UGT1A6: variants seen among roughly 807,000 people sequenced by gnomAD.
UGT1A6 encodes the protein UDP glucuronosyltransferase family 1 member A6.
In UGT1A6, 32 loss-of-function variants were observed where a neutral mutation model predicts 44.4. The observed-to-expected ratio is 0.72, with a 90% CI of 0.54 to 0.97. UGT1A6 has a LOEUF of 0.97. UGT1A6 is among the 50% of genes least tolerant of loss of function. The probability of loss-of-function intolerance (pLI) is 0.00; values close to 1 mark genes in which losing one functional copy is unlikely to be tolerated. For missense variants in UGT1A6, 685 were observed against 661.9 expected (o/e 1.03, Z -0.38); for synonymous variants, 238 against 248.5 (o/e 0.96, Z 0.40).
At chr2:233,721,999 A>G (rs1463858336) in intron 1 of UGT1A6, 3 of 263,690 alleles carry the variant, frequency 1.1e-5, no homozygotes, top group African/African-American at 6.7e-5. Flanking sequence ...AATGTCCTTT[A>G]AGTGAACAGG....
intron 1 of UGT1A6, among the ~76,000 whole-genome samples, chr2:233,716,738 T>C (rs764631282): frequency 1.3e-5 from 2 of 152,172 alleles, no homozygotes; most frequent in Non-Finnish European, 2.9e-5. Context: ...TTTAGCTCTG[T>C]GAGATTGGGA....
intron 1 of UGT1A6, among the ~76,000 whole-genome samples, chr2:233,700,098 G>A (rs1027814620): frequency 1.3e-5 from 2 of 152,182 alleles, no homozygotes; most frequent in African/African-American, 4.8e-5. Context: ...TGGAGGTGTG[G>A]AGGGCAGCAA....
intron 1 of UGT1A6, among the ~76,000 whole-genome samples, chr2:233,712,048 G>T (rs1193120711): frequency 6.6e-6 from 1 of 152,226 alleles, no homozygotes; most frequent in Non-Finnish European, 1.5e-5. Flanking sequence ...TTGGAAAAAA[G>T]CCTGACCATA....
chr2:233,716,707 T>G (rs2076520900), intron 1 of UGT1A6, among the ~76,000 whole-genome samples: 1 of 152,188 alleles, frequency 6.6e-6, no homozygotes, highest in Non-Finnish European at 1.5e-5. Flanking sequence ...TTAAAAACAC[T>G]AAAGAGTTCC....
At chr2:233,697,735 G>A (rs1186462702) in intron 1 of UGT1A6, among the ~76,000 whole-genome samples, 1 of 151,658 alleles carries the variant, frequency 6.6e-6, no homozygotes, top group East Asian at 1.9e-4. Flanking sequence ...CTTAGTTCTG[G>A]TTTTGCTATA....
At chr2:233,694,253 G>A (rs910405791) in intron 1 of UGT1A6, among the ~76,000 whole-genome samples, 1 of 151,712 alleles carries the variant, frequency 6.6e-6, no homozygotes, top group African/African-American at 2.4e-5. Context: ...TTGAGCCAGG[G>A]ACCAGCGAAC....
At chr2:233,713,969 C>G (rs2076358938) in intron 1 of UGT1A6, 1 of 1,602,230 alleles carries the variant, frequency 6.2e-7, no homozygotes. Flanking sequence ...GATTTCATTT[C>G]TGCTTCTCAT....
Position 233,769,582 on chromosome 2 carries a change from T to G in UGT1A6, c.1301+1143T>G. The G allele has an allele frequency of 6.2e-7, 1 of 1,612,842 alleles. No homozygotes were observed. Among genetic ancestry groups the G allele is most frequent in the Admixed American group, 1.7e-5 (1 of 60,012 alleles). ...TGTGAAGAGCTGGAGCATGTTCAGA[T>G]GAGAGGAGACGGAACACGGGGACAC... On this transcript the variant is annotated intron_variant, in intron 4 of 4. Coordinates refer to ENST00000305139, the MANE Select transcript of UGT1A6 (RefSeq NM_001072.4). This position sits in a 1 kb window ranked among gnomAD's most constrained non-coding sequence, Gnocchi z 4.4.
rs138183896 is a variant in UGT1A6 at position 233,760,581 on chromosome 2, T to C, written c.862-6453T>C. The C allele has an allele frequency of 2.4e-4, 385 of 1,614,108 alleles. No individual in the cohort carries two copies. Among genetic ancestry groups the C allele is most frequent in the Non-Finnish European group, 3.1e-4 (370 of 1,180,052 alleles). ...AGTCTTTTGTTAGTCTCGGGCATAATGTTTTTGAGAATGATTCTTTCCTGC... is the reference window on the plus strand; with the variant it reads ...AGTCTTTTGTTAGTCTCGGGCATAACGTTTTTGAGAATGATTCTTTCCTGC... On this transcript the variant is annotated intron_variant, in intron 1 of 4. Transcript: ENST00000305139.
At chr2:233,708,864 A>C (rs751594511) in intron 1 of UGT1A6, among the ~76,000 whole-genome samples, 39 of 148,722 alleles carry the variant, frequency 2.6e-4, no homozygotes, top group Non-Finnish European at 4.3e-4. Flanking sequence ...AATCTCTTTT[A>C]TTGGTTCACA....
chr2:233,705,860 G>A (rs2075875897), intron 1 of UGT1A6, among the ~76,000 whole-genome samples: 1 of 152,168 alleles, frequency 6.6e-6, no homozygotes, highest in Non-Finnish European at 1.5e-5. Flanking sequence ...AGCTGAGGCA[G>A]GCAGATCACT....
At chr2:233,743,086 T>C (rs926867030) in intron 1 of UGT1A6, 1 of 346,580 alleles carries the variant, frequency 2.9e-6, no homozygotes, top group African/African-American at 2.2e-5. Context: ...GAAGTGTTTA[T>C]AAATTCTTGG....
At chr2:233,732,132 GT>G (rs869109259) in intron 1 of UGT1A6, among the ~76,000 whole-genome samples, 1 of 57,612 alleles carries the variant, frequency 1.7e-5, no homozygotes, top group African/African-American at 9.7e-5. Context: ...TGATGAGGTT[GT>G]TTGTTTGTTT....
rs775448281 is a variant in UGT1A6, at chr2:233,713,196, A to G, written c.861+19331A>G. 9 of 1,614,120 alleles carry G rather than the reference A, an allele frequency of 5.6e-6. No individual in the cohort carries two copies. In the African/African-American group the frequency reaches 1.1e-4, roughly 19 times the overall value. ...CCTCACCCTGGAGGTGAATATGTAC[A>G]TCAAAGAAGAGAACTTTTTCACCCT... is the stretch of plus-strand genomic sequence containing the variant. On this transcript the variant is annotated intron_variant, in intron 1 of 4. Transcript: ENST00000305139.
At position 233,743,716 on chromosome 2, in the gene UGT1A6, G is replaced by A. The variant is rs779950685; in HGVS notation, c.862-23318G>A. ...CGCCCTCCGCCCCCGCCTCGCCATA[G>A]CGGTCATAGATATCGCGTTTCTTGG... On this transcript the variant is annotated intron_variant, in intron 1 of 4. Coordinates refer to ENST00000305139, the MANE Select transcript of UGT1A6 (RefSeq NM_001072.4). 152 of 1,367,230 alleles carry A rather than the reference G, an allele frequency of 1.1e-4. 1 individual carries two copies. The highest frequency in any genetic ancestry group is 6.5e-5 in the Non-Finnish European group (66 of 1,021,862). The allele number at this position is 1,367,230 out of a possible 1,614,324, so 84.7% of individuals were successfully genotyped here.
chr2:233,746,269 G>A (rs1473358649), intron 1 of UGT1A6, among the ~76,000 whole-genome samples: 3 of 151,774 alleles, frequency 2.0e-5, no homozygotes, highest in South Asian at 2.1e-4. Flanking sequence ...ACAAAACGCT[G>A]TGGGGATTCA....
At position 233,769,564 on chromosome 2, in the gene UGT1A6, A is replaced by G; in HGVS notation, c.1301+1125A>G. 2 of 1,612,876 alleles carry G rather than the reference A, an allele frequency of 1.2e-6. No homozygotes were observed. Among genetic ancestry groups the G allele is most frequent in the Non-Finnish European group, 1.7e-6 (2 of 1,179,838 alleles). Reference sequence around the variant, plus strand: ...AGCAGTCAGGAAGACAGATGTGAAGAGCTGGAGCATGTTCAGATGAGAGGA... The same window carrying G: ...AGCAGTCAGGAAGACAGATGTGAAGGGCTGGAGCATGTTCAGATGAGAGGA... On this transcript the variant is annotated intron_variant, in intron 4 of 4. Transcript: ENST00000305139. The surrounding 1 kb of genome is among the most constrained non-coding windows in gnomAD (Gnocchi z 4.4).
At chr2:233,750,456 A>G (rs1220214854) in intron 1 of UGT1A6, among the ~76,000 whole-genome samples, 2 of 151,996 alleles carry the variant, frequency 1.3e-5, no homozygotes, top group Non-Finnish European at 2.9e-5. Flanking sequence ...CAAACCAGCT[A>G]CAGAAATACT....
chr2:233,724,460 G>A lies in UGT1A6; in HGVS notation c.861+30595G>A, dbSNP rs551187141. 1.6e-3 allele frequency among the ~76,000 whole-genome samples: 182 copies of A among 113,876 alleles called. 4 individuals carry two copies. Among genetic ancestry groups the A allele is most frequent in the Middle Eastern group, 0.011 (2 of 176 alleles). The allele number at this position is 113,876 out of a possible 152,430, so 74.7% of individuals were successfully genotyped here. A position where few individuals can be genotyped will look rare whatever the true frequency, so the allele number is the denominator to read the frequency against. ...TTCTCAGACAGGGCAGCTGCCGGGC[G>A]GAGGGGCTCCTCACTTCTCAGACGG... On this transcript the variant is annotated intron_variant, in intron 1 of 4. Transcript: ENST00000305139.
Sources: allele counts gnomAD v4.1 joint callset (sites outside exome capture counted in the v4.1 genomes callset), GRCh38; gene constraint gnomAD v4.1.1; non-coding constraint Gnocchi (gnomAD v3.1); transcripts MANE v1.5; gene names NCBI Gene and HGNC (gene_info 2026-07-23, HGNC 2026-07-21).